Variants in ASXL1 observed in about 807,000 individuals in gnomAD.
ASXL1 encodes polycomb group protein ASXL1.
ASXL1 carries 65 observed loss-of-function variants against 89.1 expected under a neutral mutation model. The observed-to-expected ratio is 0.73, with a 90% CI of 0.60 to 0.90. The LOEUF is 0.90. Ranked by LOEUF, ASXL1 falls within the 40% of genes least tolerant of loss-of-function variation. The pLI is 0.00. For missense variants in ASXL1, 1,786 were observed against 1,942.9 expected, an observed-to-expected ratio of 0.92 and a Z score of 1.52; for synonymous variants, 739 against 746.9, an observed-to-expected ratio of 0.99 and a Z score of 0.17.
intron 1 of ASXL1, chr20:32,359,564 G>T (rs754723056): frequency 9.1e-6 from 6 of 656,392 alleles, no homozygotes; most frequent in Non-Finnish European, 1.7e-5. Context: ...TTTGAGAAAC[G>T]CAGACTGGGC....
Position 32,433,588 on chromosome 20 carries a change from C to T in ASXL1, c.1390C>T (p.Pro464Ser), listed in dbSNP as rs2011605119. The T allele has an allele frequency of 6.2e-7, 1 of 1,614,142 alleles. No homozygotes were observed. Among genetic ancestry groups the T allele is most frequent in the Non-Finnish European group, 8.5e-7 (1 of 1,180,016 alleles). Reference protein sequence around the residue: ...AKTDPAGLSSPHLPGTSSAAP... With the variant: ...AKTDPAGLSSSHLPGTSSAAP... ...GACTGACCCAGCAGGGCTGAGCAGT[C>T]CCCATCTGCCAGGCACATCCTCTGC... Residue 464 changes from proline (P) to serine (S), a missense_variant, in exon 12 of 13, where the codon CCC (proline) becomes TCC (serine). Physicochemically the swap from Pro to Ser is moderately conservative, Grantham distance 74. Coordinates refer to ENST00000375687, the MANE Select transcript of ASXL1 (RefSeq NM_015338.6).
rs150977407 is a variant in ASXL1, at chr20:32,436,400, G to C, written c.3688G>C (p.Asp1230His). Residue 1230 changes from aspartate (D) to histidine (H), a missense_variant, in exon 13 of 13, where the codon GAT (aspartate) becomes CAT (histidine). This residue lies in a region of ASXL1 where 1,418 missense variants were observed against 1,427.8 expected (regional missense o/e 0.99). Coordinates refer to ENST00000375687, the MANE Select transcript of ASXL1 (RefSeq NM_015338.6). Reference protein sequence around the residue: ...ITSSRKLEEMDSKEQFSSFSC... With the variant: ...ITSSRKLEEMHSKEQFSSFSC... ...ATCCTCTAGGAAACTGGAAGAAATG[G>C]ATTCCAAAGAGCAGTTCTCTTCCTT... 2 of 1,613,786 alleles carry C rather than the reference G, an allele frequency of 1.2e-6. No individual in the cohort carries two copies. Among genetic ancestry groups the C allele is most frequent in the Non-Finnish European group, 1.7e-6 (2 of 1,180,046 alleles).
rs754682331 is a variant in ASXL1 at position 32,436,311 on chromosome 20, C to T, written c.3599C>T (p.Pro1200Leu). ...GAGGCCACCCAGGCTCCTGGAGCAC[C>T]CCAAAAGAATTGCAAGGCAGTCCCA... ...RIEATQAPGA[P>L]QKNCKAVPSF... Residue 1200 changes from proline to leucine, a missense_variant, in exon 13 of 13, where the codon CCC (proline) becomes CTC (leucine). Pro to Leu is a moderately conservative substitution (Grantham distance 98). Around this residue, in one of 3 missense-constraint regions of ASXL1, gnomAD observed 1,418 missense variants for 1,427.8 expected, o/e 0.99. Transcript: ENST00000375687. 2 of 1,614,072 alleles carry T rather than the reference C, an allele frequency of 1.2e-6. No homozygotes were observed. Among genetic ancestry groups the T allele is most frequent in the Non-Finnish European group, 1.7e-6 (2 of 1,180,034 alleles).
chr20:32,397,381 T>A (rs2048787047), intron 4 of ASXL1, among the ~76,000 whole-genome samples: 1 of 142,342 alleles, frequency 7.0e-6, no homozygotes, highest in African/African-American at 2.6e-5. Context: ...ATTACAGGTG[T>A]GAGCCACCAC....
At chr20:32,403,561 T>G (rs2048909730) in intron 4 of ASXL1, among the ~76,000 whole-genome samples, 1 of 152,178 alleles carries the variant, frequency 6.6e-6, no homozygotes, top group Non-Finnish European at 1.5e-5. Flanking sequence ...ACTACAGATG[T>G]ACACCACCAC....
chr20:32,358,939 G>C, intron 1 of ASXL1, 107 bp downstream of exon 1: 1 of 1,173,640 alleles, frequency 8.5e-7, no homozygotes, highest in Non-Finnish European at 1.1e-6. Context: ...ACCGCGGGAG[G>C]GGGCGGGGCC....
intron 4 of ASXL1, among the ~76,000 whole-genome samples, chr20:32,371,433 A>G (rs1435902077): frequency 6.6e-6 from 1 of 151,926 alleles, no homozygotes; most frequent in Non-Finnish European, 1.5e-5. Context: ...CTTCAGGCGC[A>G]TACCACTATG....
chr20:32,371,903 T>C, intron 4 of ASXL1: 1 of 368,282 alleles, frequency 2.7e-6, no homozygotes, highest in Non-Finnish European at 5.3e-6. Context: ...GGCCCTCTAT[T>C]ATCTCATATA....
intron 8 of ASXL1, 81 bp from the exon 9 acceptor site, chr20:32,431,240 G>C (rs958897946): frequency 1.1e-4 from 178 of 1,577,164 alleles, no homozygotes; most frequent in Non-Finnish European, 1.5e-4. Context: ...CTTGGGTGCT[G>C]TCACCAAAGT....
chr20:32,434,861 A>G lies in ASXL1; in HGVS notation c.2149A>G (p.Arg717Gly). The change falls in exon 13 of 13, where the codon AGG becomes GGG. Residue 717 changes from arginine to glycine, a missense_variant. Arg to Gly is a moderately radical substitution (Grantham distance 125). This residue lies in a region of ASXL1 where 1,418 missense variants were observed against 1,427.8 expected (regional missense o/e 0.99). Transcript: ENST00000375687. ...GGCCGGAACTGCCATGTCCAGAGCT[A>G]GGAGAGAGGACCTGCCTTCTCTGAG... ...TQAGTAMSRA[R>G]REDLPSLRKE... 1 of 1,614,174 alleles carries G rather than the reference A, an allele frequency of 6.2e-7. No homozygotes were observed. Among genetic ancestry groups the G allele is most frequent in the Non-Finnish European group, 8.5e-7 (1 of 1,180,030 alleles).
In ASXL1 at chr20:32,429,169, G is replaced by C; in HGVS notation, c.472-169G>C. The C allele has an allele frequency of 1.4e-6, 1 of 698,462 alleles. No individual in the cohort carries two copies. Among genetic ancestry groups the C allele is most frequent in the East Asian group, 2.8e-5 (1 of 35,788 alleles). The allele number at this position is 698,462 out of a possible 1,614,324, so 43.3% of individuals were successfully genotyped here. On this transcript the variant is annotated intron_variant, in intron 6 of 12. Coordinates refer to ENST00000375687, the MANE Select transcript of ASXL1 (RefSeq NM_015338.6). This position sits in a 1 kb window ranked among gnomAD's most constrained non-coding sequence, Gnocchi z 4.9. ...GGAATGATGCTTGGCACAGTGACCAGCACGTAGCTCAGTAACATTAACCAG... is the reference window on the plus strand; with the variant it reads ...GGAATGATGCTTGGCACAGTGACCACCACGTAGCTCAGTAACATTAACCAG...
At chr20:32,398,698 C>T (rs1384672297) in intron 4 of ASXL1, among the ~76,000 whole-genome samples, 1 of 149,884 alleles carries the variant, frequency 6.7e-6, no homozygotes, top group Admixed American at 6.6e-5. Flanking sequence ...CAAGCTCCAC[C>T]TGCCGGGTTC....
At chr20:32,422,137 C>T (rs943948342) in intron 4 of ASXL1, among the ~76,000 whole-genome samples, 8 of 148,724 alleles carry the variant, frequency 5.4e-5, no homozygotes, top group African/African-American at 2.5e-5. Context: ...CCTTGGCCTT[C>T]CAAAGTGCTG....
chr20:32,435,535 T>G lies in ASXL1; in HGVS notation c.2823T>G (p.Pro941=). 1 of 1,614,054 alleles carries G rather than the reference T, an allele frequency of 6.2e-7. No individual in the cohort carries two copies. Among genetic ancestry groups the G allele is most frequent in the South Asian group, 1.1e-5 (1 of 91,082 alleles). The change falls in exon 13 of 13, where the codon CCT becomes CCG. Residue 941 remains proline (P), a synonymous_variant. Coordinates refer to ENST00000375687, the MANE Select transcript of ASXL1 (RefSeq NM_015338.6). ...CTGCTCCCACCCCTCCTGCATTGCC[T>G]GGGGATTTGACAGCTGAGGAGGGTC... The part of the protein sequence containing the change: ...EKAAPTPPAL[P]GDLTAEEGLD...
chr20:32,384,206 T>G (rs1258190002), intron 4 of ASXL1, among the ~76,000 whole-genome samples: 2 of 137,986 alleles, frequency 1.4e-5, no homozygotes, highest in East Asian at 4.1e-4. Context: ...CTGTTTTTTT[T>G]TTTTTTTTTT....
Position 32,369,153 on chromosome 20 carries a change from G to A in ASXL1, c.252+30G>A, listed in dbSNP as rs755723042. The A allele has an allele frequency of 3.2e-6, 5 of 1,563,308 alleles. No homozygotes were observed. The African/African-American group carries it at 6.8e-5, about 21-fold the overall frequency. On this transcript the variant is annotated intron_variant, in intron 4 of 12. Coordinates refer to ENST00000375687, the MANE Select transcript of ASXL1 (RefSeq NM_015338.6). ...GTGATATGAACTCTCTTTTGGTGCAGTGATTCTTGGACTTTTAATGTGCAT... is the reference window on the plus strand; with the variant it reads ...GTGATATGAACTCTCTTTTGGTGCAATGATTCTTGGACTTTTAATGTGCAT...
Position 32,433,322 on chromosome 20 carries a change from TGGGCCA to T in ASXL1, c.1127_1132del (p.Gly376_Gln377del), listed in dbSNP as rs754036755. 6.2e-7 allele frequency: 1 copy of T among 1,614,150 alleles called. No homozygotes were observed. ...AAAGAAGAGTCATTGCAGCAGAACG[TGGGCCA>T]GGAGGAGGCTGAAATCAAAAGTGGC... On this transcript the variant is annotated inframe_deletion, in exon 12 of 13. Transcript: ENST00000375687.
chr20:32,415,980 C>T (rs932341240), intron 4 of ASXL1, among the ~76,000 whole-genome samples: 1 of 152,130 alleles, frequency 6.6e-6, no homozygotes, highest in Non-Finnish European at 1.5e-5. Context: ...TGGAGAGCAG[C>T]TATGCCATGT....
At chr20:32,397,775 T>C (rs1731001106) in intron 4 of ASXL1, among the ~76,000 whole-genome samples, 1 of 152,238 alleles carries the variant, frequency 6.6e-6, no homozygotes, top group African/African-American at 2.4e-5. Flanking sequence ...TGGGCCGCAT[T>C]GAAAGCTGTC....
Sources: allele counts gnomAD v4.1 joint callset (sites outside exome capture counted in the v4.1 genomes callset), GRCh38; gene constraint gnomAD v4.1.1; regional missense constraint gnomAD v4.1.1; non-coding constraint Gnocchi (gnomAD v3.1); transcripts MANE v1.5; gene names NCBI Gene and HGNC (gene_info 2026-07-23, HGNC 2026-07-21).